Variants in SUPT3H observed in about 807,000 individuals in gnomAD.
SUPT3H encodes transcription initiation protein SPT3 homolog.
In SUPT3H, 44 loss-of-function variants were observed where a neutral mutation model predicts 44.3. The ratio of observed to expected loss-of-function variants is 0.99; its 90% CI spans 0.78 to 1.28. The LOEUF is 1.28. SUPT3H is among the 50% of genes most tolerant of loss of function. The probability of loss-of-function intolerance (pLI) is 0.00; values close to 1 mark genes in which losing one functional copy is unlikely to be tolerated. For synonymous variants in SUPT3H, 124 were observed against 125.6 expected (o/e 0.99, Z 0.09); for missense variants, 380 against 387.1 (o/e 0.98, Z 0.15).
At chr6:44,895,253 T>C (rs1412781071) in intron 10 of SUPT3H, among the ~76,000 whole-genome samples, 1 of 76,448 alleles carries the variant, frequency 1.3e-5, no homozygotes, top group Non-Finnish European at 2.5e-5. Flanking sequence ...CACTTAGTCT[T>C]GTTTTTTTTT....
intron 3 of SUPT3H, among the ~76,000 whole-genome samples, chr6:45,034,547 A>G (rs970416750): frequency 3.9e-5 from 6 of 152,228 alleles, no homozygotes; most frequent in African/African-American, 1.4e-4. Flanking sequence ...TTCTGTTCAG[A>G]CTATTTAAAA....
rs545943426 is a variant in SUPT3H at position 45,072,268 on chromosome 6, G to C, written c.186+33654C>G. Among the ~76,000 whole-genome samples, 16 of 152,172 alleles carry C rather than the reference G, an allele frequency of 1.1e-4. No individual in the cohort carries two copies. In the East Asian group the frequency reaches 2.9e-3, roughly 28 times the overall value. On this transcript the variant is annotated intron_variant, in intron 3 of 10. Coordinates refer to ENST00000371459, the MANE Select transcript of SUPT3H (RefSeq NM_003599.4). ...CATCAAACCTCTAACACCACCAAGT[G>C]TAAGATCACCATTATTTTGGTGGGT...
chr6:44,966,332 A>C (rs1184896075), intron 6 of SUPT3H, among the ~76,000 whole-genome samples: 1 of 151,818 alleles, frequency 6.6e-6, no homozygotes, highest in Non-Finnish European at 1.5e-5. Context: ...TTTAAAATGA[A>C]CATAATTTTT....
intron 10 of SUPT3H, among the ~76,000 whole-genome samples, chr6:44,880,840 T>C (rs748692686): frequency 9.2e-5 from 14 of 152,120 alleles, no homozygotes; most frequent in Non-Finnish European, 1.3e-4. Context: ...GCTTCATAAG[T>C]GAAGGAAAAA....
chr6:45,374,251 A>G (rs1796478095), intron 1 of SUPT3H, among the ~76,000 whole-genome samples: 1 of 152,226 alleles, frequency 6.6e-6, no homozygotes, highest in African/African-American at 2.4e-5. Context: ...CAACCCACAT[A>G]ACATCTCAGA....
intron 2 of SUPT3H, among the ~76,000 whole-genome samples, chr6:45,231,808 G>C (rs1768110915): frequency 6.6e-6 from 1 of 152,048 alleles, no homozygotes; most frequent in South Asian, 2.1e-4. Flanking sequence ...TTTTGTCTAA[G>C]TGGATTATTA....
chr6:45,191,427 T>C lies in SUPT3H; in HGVS notation c.102-85421A>G, dbSNP rs149927159. On this transcript the variant is annotated intron_variant, in intron 2 of 10. Coordinates refer to ENST00000371459, the MANE Select transcript of SUPT3H (RefSeq NM_003599.4). ...AAATTCAGAGGGAAGGAGGGAGGAA[T>C]AGGTGGAGCACGCGGGATTTTTAAG... is the stretch of plus-strand genomic sequence containing the variant. Among the ~76,000 whole-genome samples, 266 of 152,144 alleles carry C rather than the reference T, an allele frequency of 1.7e-3. 3 individuals are homozygous for C. The highest frequency in any genetic ancestry group is 6.3e-3 in the African/African-American group (260 of 41,540).
intron 3 of SUPT3H, among the ~76,000 whole-genome samples, chr6:45,062,357 A>G (rs1197265134): frequency 2.0e-5 from 3 of 152,212 alleles, no homozygotes; most frequent in African/African-American, 7.2e-5. Context: ...ATATCATAAA[A>G]TTATAATTCT....
intron 2 of SUPT3H, among the ~76,000 whole-genome samples, chr6:45,285,726 A>C (rs1159009950): frequency 6.6e-6 from 1 of 152,174 alleles, no homozygotes; most frequent in Non-Finnish European, 1.5e-5. Flanking sequence ...CTTTCTTCAC[A>C]GAATTGGAAA....
chr6:44,952,826 T>C lies in SUPT3H; in HGVS notation c.801+484A>G, dbSNP rs60899499. Among the ~76,000 whole-genome samples, 804 of 152,262 alleles carry C rather than the reference T, an allele frequency of 5.3e-3. 5 individuals carry two copies. Among genetic ancestry groups the C allele is most frequent in the African/African-American group, 0.018 (750 of 41,572 alleles). On this transcript the variant is annotated intron_variant, in intron 9 of 10. Coordinates refer to ENST00000371459, the MANE Select transcript of SUPT3H (RefSeq NM_003599.4). The stretch of plus-strand genomic sequence containing the variant: ...AGAAAAGAATATAATTTTCACATAG[T>C]AGGGGCAATCTAAAAACTCAAGATG...
At chr6:45,301,566 A>G (rs1163174724) in intron 2 of SUPT3H, among the ~76,000 whole-genome samples, 1 of 152,010 alleles carries the variant, frequency 6.6e-6, no homozygotes. Context: ...TCTCCTAGTT[A>G]ATGTTACATC....
intron 2 of SUPT3H, among the ~76,000 whole-genome samples, chr6:45,121,669 T>G (rs1047328195): frequency 1.1e-4 from 17 of 152,220 alleles, no homozygotes; most frequent in Middle Eastern, 3.4e-3. Flanking sequence ...TTTTTTGGGT[T>G]TTTTTGTTTT....
chr6:44,914,062 ATAGT>A (rs1436401477), intron 10 of SUPT3H, among the ~76,000 whole-genome samples: 1 of 152,204 alleles, frequency 6.6e-6, no homozygotes. Flanking sequence ...CCAGAACCTA[ATAGT>A]TAGGCATTGC....
chr6:45,239,933 G>A (rs894162246), intron 2 of SUPT3H, among the ~76,000 whole-genome samples: 3 of 152,150 alleles, frequency 2.0e-5, no homozygotes, highest in Non-Finnish European at 2.9e-5. Context: ...CAAATTTTTT[G>A]AGCCTGCCTA....
At chr6:45,060,677 G>T (rs1791855560) in intron 3 of SUPT3H, among the ~76,000 whole-genome samples, 1 of 152,054 alleles carries the variant, frequency 6.6e-6, no homozygotes, top group African/African-American at 2.4e-5. Flanking sequence ...CAGAATGGGA[G>T]AAAATTTTGC....
chr6:45,285,198 T>G (rs1778998725), intron 2 of SUPT3H, among the ~76,000 whole-genome samples: 1 of 151,240 alleles, frequency 6.6e-6, no homozygotes, highest in South Asian at 2.1e-4. Context: ...AGGGATGCCC[T>G]CTCTCACCAC....
intron 10 of SUPT3H, among the ~76,000 whole-genome samples, chr6:44,857,403 T>G (rs886690598): frequency 6.6e-6 from 1 of 152,198 alleles, no homozygotes; most frequent in African/African-American, 2.4e-5. Context: ...GAGATCTGAC[T>G]GCTACAATCG....
At chr6:45,317,335 C>G (rs1038850790) in intron 2 of SUPT3H, among the ~76,000 whole-genome samples, 1 of 144,206 alleles carries the variant, frequency 6.9e-6, no homozygotes, top group African/African-American at 2.6e-5. Flanking sequence ...TCCACAGAAA[C>G]AGAAAAAAAA....
chr6:45,311,586 G>T (rs1313215113), intron 2 of SUPT3H, among the ~76,000 whole-genome samples: 1 of 152,166 alleles, frequency 6.6e-6, no homozygotes, highest in Admixed American at 6.5e-5. Context: ...AACCTATAAA[G>T]GAAAACCTAT....
Sources: gnomAD v4.1 joint callset for allele counts (sites outside exome capture counted in the v4.1 genomes callset) on GRCh38, gnomAD v4.1.1 for gene constraint, MANE v1.5 for transcripts, NCBI Gene and HGNC (gene_info 2026-07-23, HGNC 2026-07-21) for gene names.